The following RFC1 variants were observed in gnomAD, a reference collection of about 807,000 sequenced individuals.
RFC1 encodes A1 140 kDa subunit.
In RFC1, 37 loss-of-function variants were observed where a neutral mutation model predicts 137.4. That is an observed-to-expected ratio of 0.27 (90% confidence interval 0.21 to 0.35). RFC1 has a LOEUF of 0.35. Among genes scored for constraint, RFC1 ranks in the 10% least tolerant of loss-of-function variants. RFC1 has a pLI of 1.00. For missense variants in RFC1, 1,205 were observed against 1,358.5 expected (o/e 0.89, Z 1.78); for synonymous variants, 429 against 455.7 (o/e 0.94, Z 0.75).
chr4:39,348,896 C>T (rs1741044504), intron 2 of RFC1, among the ~76,000 whole-genome samples: 1 of 152,108 alleles, frequency 6.6e-6, no homozygotes, highest in Non-Finnish European at 1.5e-5. Context: ...ATTTTCAAGG[C>T]TTATGTTCTG....
chr4:39,350,289 T>C (rs552448554), intron 2 of RFC1, among the ~76,000 whole-genome samples: 15 of 152,222 alleles, frequency 9.9e-5, no homozygotes, highest in Non-Finnish European at 1.6e-4. Context: ...GTAATTGTAA[T>C]TCAAGAAGAG....
chr4:39,305,734 T>A (rs924164051), intron 14 of RFC1, among the ~76,000 whole-genome samples: 4 of 152,202 alleles, frequency 2.6e-5, no homozygotes, highest in African/African-American at 9.6e-5. Context: ...AAAATTCAAA[T>A]TCTTCTGATT....
intron 4 of RFC1, among the ~76,000 whole-genome samples, chr4:39,332,652 T>C (rs1402563510): frequency 3.3e-5 from 5 of 152,232 alleles, no homozygotes; most frequent in South Asian, 4.1e-4. Flanking sequence ...TACTTCCCTG[T>C]GAATTCCACC....
chr4:39,295,718 C>A lies in RFC1; in HGVS notation c.2850G>T (p.Gly950=), dbSNP rs760028696. The A allele has an allele frequency of 3.7e-6, 6 of 1,613,414 alleles. No individual in the cohort carries two copies. Among genetic ancestry groups the A allele is most frequent in the East Asian group, 2.2e-5 (1 of 44,872 alleles). ...ASVLPGELMR[G]YMTQFPTFPS... The stretch of plus-strand genomic sequence containing the variant: ...GGAAGGTGGGAAACTGGGTCATGTA[C>A]CCCCTCATCAACTCTCCAGGAAGAA... Residue 950 remains glycine, a synonymous_variant, in exon 22 of 25, where the codon GGG becomes GGT. Transcript: ENST00000349703.
Position 39,312,925 on chromosome 4 carries a change from C to T in RFC1, c.1210G>A (p.Glu404Lys), listed in dbSNP as rs1739034610. 6.3e-7 allele frequency: 1 copy of T among 1,597,688 alleles called. No individual in the cohort carries two copies. Among genetic ancestry groups the T allele is most frequent in the African/African-American group, 1.3e-5 (1 of 74,560 alleles). ...LGSKEIPKGA[E>K]NCLEGLIFVI... Reference sequence around the variant, plus strand: ...AATATAAGGCCTTCCAAGCAATTTTCAGCTCCCTAAAAACCAAAATGTTCA... The same window carrying T: ...AATATAAGGCCTTCCAAGCAATTTTTAGCTCCCTAAAAACCAAAATGTTCA... The change falls in exon 11 of 25, where the codon GAA becomes AAA. Residue 404 changes from glutamate (E) to lysine (K), a missense_variant. Around this residue, in one of 3 missense-constraint regions of RFC1, gnomAD observed 962 missense variants for 1,035.3 expected, o/e 0.93. Transcript: ENST00000349703.
intron 10 of RFC1, among the ~76,000 whole-genome samples, chr4:39,313,461 C>G (rs1243187495): frequency 6.6e-6 from 1 of 152,194 alleles, no homozygotes; most frequent in African/African-American, 2.4e-5. Context: ...TGATGCTTTT[C>G]ACCACATTAG....
chr4:39,366,139 G>A lies in RFC1; in HGVS notation c.3+100C>T. ...TTGCTAGCCTCCGGAACCACCCACC[G>A]CCATCCTCCCCCACCCTGCATACCA... is the stretch of plus-strand genomic sequence containing the variant. On this transcript the variant is annotated intron_variant, in intron 1 of 24. Transcript: ENST00000349703. The A allele has an allele frequency of 3.8e-6, 5 of 1,318,000 alleles. No individual in the cohort carries two copies. The South Asian group carries it at 4.2e-5, about 11-fold the overall frequency. The allele number at this position is 1,318,000 out of a possible 1,614,324, so 81.6% of individuals were successfully genotyped here.
chr4:39,330,370 A>G (rs1243718870), intron 4 of RFC1, among the ~76,000 whole-genome samples: 4 of 152,236 alleles, frequency 2.6e-5, no homozygotes, highest in African/African-American at 7.2e-5. Context: ...TGATTACTAA[A>G]TGTAAAAAGT....
chr4:39,343,854 G>GT lies in RFC1; in HGVS notation c.209-1388dup, dbSNP rs1328045836. 2.0e-5 allele frequency among the ~76,000 whole-genome samples: 3 copies of GT among 152,172 alleles called. No individual in the cohort carries two copies. In the East Asian group the frequency reaches 5.8e-4, roughly 29 times the overall value. On this transcript the variant is annotated intron_variant, in intron 3 of 24. Coordinates refer to ENST00000349703, the MANE Select transcript of RFC1 (RefSeq NM_002913.5). ...AGGCCGGGTGTGGTGGCTCATGCCT[G>GT]TAATCCCGACACTTTGGGAGGCCGA... is the stretch of plus-strand genomic sequence containing the variant.
At chr4:39,303,249 T>C in intron 15 of RFC1, 98 bp from the exon 16 acceptor site, 1 of 775,770 alleles carries the variant, frequency 1.3e-6, no homozygotes, top group Non-Finnish European at 2.3e-6. Flanking sequence ...GATATTAAAC[T>C]TCAAAAGCTA....
At chr4:39,293,244 A>AC (rs1737788707) in intron 22 of RFC1, among the ~76,000 whole-genome samples, 1 of 152,116 alleles carries the variant, frequency 6.6e-6, no homozygotes, top group Non-Finnish European at 1.5e-5. Flanking sequence ...AAGCCACAGT[A>AC]CCCCCAGAAA....
rs760191657 is a variant in RFC1 at position 39,321,371 on chromosome 4, G to C, written c.724C>G (p.Arg242Gly). 39 of 1,612,072 alleles carry C rather than the reference G, an allele frequency of 2.4e-5. No homozygotes were observed. The highest frequency in any genetic ancestry group is 3.1e-5 in the Non-Finnish European group (37 of 1,179,284). ...GTTTCTCCCGCTTCTGTGTCCTTTC[G>C]AGCCTAAACAAATTTTAAAAGTGTC... is the stretch of plus-strand genomic sequence containing the variant. Reference protein sequence around the residue: ...LDEEPKTKKARKDTEAGETFS... With the variant: ...LDEEPKTKKAGKDTEAGETFS... The change falls in exon 8 of 25, where the codon CGA becomes GGA. Residue 242 changes from arginine (R) to glycine (G), a missense_variant. Physicochemically the swap from Arg to Gly is moderately radical, Grantham distance 125. Around this residue, in one of 3 missense-constraint regions of RFC1, gnomAD observed 962 missense variants for 1,035.3 expected, o/e 0.93. Coordinates refer to ENST00000349703, the MANE Select transcript of RFC1 (RefSeq NM_002913.5).
chr4:39,358,316 A>G (rs1356234240), intron 1 of RFC1, among the ~76,000 whole-genome samples: 1 of 152,160 alleles, frequency 6.6e-6, no homozygotes, highest in African/African-American at 2.4e-5. Flanking sequence ...GACCTACAAC[A>G]TAATAAAATA....
rs1252583536 is a variant in RFC1, at chr4:39,342,362, G to A, written c.314C>T (p.Thr105Ile). 1 of 1,612,862 alleles carries A rather than the reference G, an allele frequency of 6.2e-7. No individual in the cohort carries two copies. The highest frequency in any genetic ancestry group is 1.1e-5 in the South Asian group (1 of 91,036). Residue 105 changes from threonine (T) to isoleucine (I), a missense_variant, in exon 4 of 25, where the codon ACA becomes ATA. Around this residue, in one of 3 missense-constraint regions of RFC1, gnomAD observed 962 missense variants for 1,035.3 expected, o/e 0.93. Transcript: ENST00000349703. Reference protein sequence around the residue: ...PGKISRQDPVTYISETDEEDD... With the variant: ...PGKISRQDPVIYISETDEEDD... ...AACCTTACCTGTTTCTGAAATGTATGTAACAGGATCCTGCCGTGAAATTTT... is the reference window on the plus strand; with the variant it reads ...AACCTTACCTGTTTCTGAAATGTATATAACAGGATCCTGCCGTGAAATTTT...
intron 5 of RFC1, 118 bp from the exon 6 acceptor site, chr4:39,326,758 A>G: frequency 1.4e-6 from 1 of 731,450 alleles, no homozygotes; most frequent in Non-Finnish European, 2.3e-6. Flanking sequence ...TCTATCAGTA[A>G]CAGCTGCAAT....
rs1177398955 is a variant in RFC1, at chr4:39,342,393, G to A, written c.283C>T (p.Pro95Ser). The A allele has an allele frequency of 9.9e-6, 16 of 1,613,330 alleles. No individual in the cohort carries two copies. Among genetic ancestry groups the A allele is most frequent in the Non-Finnish European group, 1.3e-5 (15 of 1,179,592 alleles). The change falls in exon 4 of 25, where the codon CCT becomes TCT. Residue 95 changes from proline to serine, a missense_variant. Transcript: ENST00000349703. ...PPEKLPVSSK[P>S]GKISRQDPVT... The stretch of plus-strand genomic sequence containing the variant: ...GGATCCTGCCGTGAAATTTTACCAG[G>A]TTTAGAAGATACTGGCAGTTTTTCT...
intron 4 of RFC1, among the ~76,000 whole-genome samples, chr4:39,340,566 A>G (rs1406704047): frequency 1.3e-5 from 2 of 152,212 alleles, no homozygotes; most frequent in South Asian, 2.1e-4. Flanking sequence ...TAATGAAAGC[A>G]TTACTTTAAC....
intron 4 of RFC1, among the ~76,000 whole-genome samples, chr4:39,340,504 A>C (rs2109726379): frequency 6.6e-6 from 1 of 152,294 alleles, no homozygotes; most frequent in African/African-American, 2.4e-5. Context: ...TATAAAACAA[A>C]AATATTTATG....
At chr4:39,319,515 T>C (rs551400507) in intron 9 of RFC1, among the ~76,000 whole-genome samples, 61 of 152,270 alleles carry the variant, frequency 4.0e-4, no homozygotes, top group African/African-American at 1.3e-3. Context: ...TGACACACAA[T>C]AACAATAAAT....
Sources: gnomAD v4.1 joint callset for allele counts (sites outside exome capture counted in the v4.1 genomes callset) on GRCh38, gnomAD v4.1.1 for gene constraint, gnomAD v4.1.1 regional missense constraint, MANE v1.5 for transcripts, NCBI Gene and HGNC (gene_info 2026-07-23, HGNC 2026-07-21) for gene names.